Variants in GLE1 observed in about 807,000 individuals in gnomAD.
The protein encoded by GLE1 is GLE1 RNA export mediator.
A neutral mutation model predicts 97.3 loss-of-function variants in GLE1; 78 were observed. The ratio of observed to expected loss-of-function variants is 0.80; its 90% CI spans 0.67 to 0.97. The LOEUF (loss-of-function observed/expected upper bound fraction) is 0.97. GLE1 is among the 50% of genes least tolerant of loss of function. The pLI is 0.00. For missense variants in GLE1, 753 were observed against 857.5 expected (o/e 0.88, Z 1.52); for synonymous variants, 302 against 313.4 (o/e 0.96, Z 0.39).
chr9:128,539,941 CTTATGCCTATAA>C, intron 14 of GLE1: 3 of 1,087,966 alleles, frequency 2.8e-6, no homozygotes, highest in East Asian at 2.7e-5. Context: ...AGCACAGTGG[CTTATGCCTATAA>C]TTATGCCTAT....
intron 3 of GLE1, among the ~76,000 whole-genome samples, chr9:128,520,398 G>A (rs1466687189): frequency 4.1e-5 from 6 of 146,906 alleles, no homozygotes; most frequent in Admixed American, 2.7e-4. Context: ...ATATATGTAT[G>A]TGTGTATATA....
intron 14 of GLE1, 130 bp from the exon 15 acceptor site, chr9:128,540,145 G>A (rs1052527705): frequency 6.8e-6 from 5 of 736,378 alleles, no homozygotes; most frequent in Admixed American, 2.0e-5. Context: ...GAGCCCAAGA[G>A]TTCAAGGCCT....
chr9:128,525,178 C>T lies in GLE1; in HGVS notation c.898-14C>T, dbSNP rs1028828750. ...GGGAATGACCACTAAGCACCATCTC[C>T]GTCACTCTGACAGAGCAGCTATCCC... On this transcript the variant is annotated splice_polypyrimidine_tract_variant and intron_variant, in intron 6 of 15. Transcript: ENST00000309971. The T allele has an allele frequency of 4.4e-6, 7 of 1,595,340 alleles. No homozygotes were observed. The highest frequency in any genetic ancestry group is 1.3e-5 in the African/African-American group (1 of 74,534).
At position 128,537,994 on chromosome 9, in the gene GLE1, T is replaced by C; in HGVS notation, c.1785T>C (p.Pro595=). Residue 595 remains proline, a synonymous_variant, in exon 13 of 16, where the codon CCT becomes CCC. Coordinates refer to ENST00000309971, the MANE Select transcript of GLE1 (RefSeq NM_001003722.2). The part of the protein sequence containing the change: ...WPYGNRQEIH[P]HGLNHGWRWL... ...AGCTTCTCTACTCCCAGATTCACCC[T>C]CATGGCTTAAATCATGGATGGCGCT... is the stretch of plus-strand genomic sequence containing the variant. The C allele has an allele frequency of 6.2e-7, 1 of 1,601,760 alleles. No individual in the cohort carries two copies. The highest frequency in any genetic ancestry group is 8.6e-7 in the Non-Finnish European group (1 of 1,168,812).
Position 128,541,448 on chromosome 9 carries a change from C to T in GLE1, c.*278C>T, listed in dbSNP as rs1370169097. 4 of 464,890 alleles carry T rather than the reference C, an allele frequency of 8.6e-6. No individual in the cohort carries two copies. The highest frequency in any genetic ancestry group is 1.2e-5 in the Non-Finnish European group (3 of 253,940). The allele number at this position is 464,890 out of a possible 1,614,324, so 28.8% of individuals were successfully genotyped here. A position where few individuals can be genotyped will look rare whatever the true frequency, so the allele number is the denominator to read the frequency against. On this transcript the variant is annotated 3_prime_UTR_variant, in exon 16 of 16. Coordinates refer to ENST00000309971, the MANE Select transcript of GLE1 (RefSeq NM_001003722.2). ...CAAAAGTGATAAAAGGTCTTTAGCA[C>T]TTGGTCTCCTCCCTTGTCTCTAGTG...
chr9:128,523,310 G>C lies in GLE1; in HGVS notation c.612G>C (p.Lys204Asn), dbSNP rs745609620. The C allele has an allele frequency of 6.2e-7, 1 of 1,613,582 alleles. No individual in the cohort carries two copies. Among genetic ancestry groups the C allele is most frequent in the South Asian group, 1.1e-5 (1 of 91,072 alleles). The change falls in exon 5 of 16, where the codon AAG becomes AAC. Residue 204 changes from lysine to asparagine, a missense_variant. Coordinates refer to ENST00000309971, the MANE Select transcript of GLE1 (RefSeq NM_001003722.2). ...GAGAAGCCTTGGGACACCAAGAGAA[G>C]CTAAAAGCTGAGCACCGTCACAGAG... ...SSREALGHQE[K>N]LKAEHRHRAK...
chr9:128,508,848 T>C (rs760803447), intron 1 of GLE1, 28 bp from the exon 2 acceptor site: 9 of 1,278,420 alleles, frequency 7.0e-6, no homozygotes, highest in Non-Finnish European at 1.0e-5. Context: ...GACGTGTAAG[T>C]TGAGCTTAAC....
chr9:128,505,006 T>C (rs534496195), intron 1 of GLE1, 102 bp downstream of exon 1: 14 of 756,710 alleles, frequency 1.9e-5, no homozygotes, highest in Non-Finnish European at 2.8e-5. Flanking sequence ...CCGTGCAGTC[T>C]AACAACCTGC....
intron 11 of GLE1, 98 bp downstream of exon 11, chr9:128,534,049 G>C: frequency 1.2e-6 from 1 of 829,716 alleles, no homozygotes; most frequent in South Asian, 1.3e-5. Flanking sequence ...CTCCTATTAC[G>C]TACCTTGAAT....
At chr9:128,517,444 G>A (rs1166688254) in intron 3 of GLE1, among the ~76,000 whole-genome samples, 3 of 152,186 alleles carry the variant, frequency 2.0e-5, no homozygotes, top group African/African-American at 4.8e-5. Context: ...ATATTGTGGT[G>A]GGAAGAGACA....
At chr9:128,533,451 A>G in intron 9 of GLE1, 62 bp from the exon 10 acceptor site, 2 of 1,100,222 alleles carry the variant, frequency 1.8e-6, no homozygotes, top group Admixed American at 2.2e-5. Flanking sequence ...AAAAAAAAAA[A>G]AGGAAAAGAA....
chr9:128,534,833 C>G (rs573132260), intron 11 of GLE1, among the ~76,000 whole-genome samples: 1 of 152,032 alleles, frequency 6.6e-6, no homozygotes, highest in South Asian at 2.1e-4. Context: ...ATTATCCTGC[C>G]TCAGCCTCCC....
In GLE1 at chr9:128,522,729, C is replaced by A; in HGVS notation, c.494C>A (p.Ala165Glu). The A allele has an allele frequency of 6.2e-7, 1 of 1,612,270 alleles. No individual in the cohort carries two copies. The change falls in exon 4 of 16, where the codon GCA becomes GAA. Residue 165 changes from alanine to glutamate, a missense_variant. Transcript: ENST00000309971. ...AAGGTGCAAGCCCTCTCGGAGATGG[C>A]ATCTGAACAACTGAAGCGGTTTGAT... ...ERKVQALSEM[A>E]SEQLKRFDEW...
chr9:128,525,211 A>G lies in GLE1; in HGVS notation c.917A>G (p.Glu306Gly). ...TGACAGAGCAGCTATCCCACAGCAG[A>G]GAGTCAAGCTGAGGCTGAGCGAGCT... ...ASSESSYPTA[E>G]SQAEAERALR... The change falls in exon 7 of 16, where the codon GAG becomes GGG. Residue 306 changes from glutamate (E) to glycine (G), a missense_variant. Transcript: ENST00000309971. 4.3e-6 allele frequency: 7 copies of G among 1,613,890 alleles called. No individual in the cohort carries two copies. Among genetic ancestry groups the G allele is most frequent in the Non-Finnish European group, 5.9e-6 (7 of 1,179,768 alleles).
chr9:128,516,219 A>T (rs564370446), intron 3 of GLE1, among the ~76,000 whole-genome samples: 1 of 151,990 alleles, frequency 6.6e-6, no homozygotes, highest in Non-Finnish European at 1.5e-5. Context: ...CAGCCTCCCA[A>T]GGTGCTGGGA....
At position 128,533,742 on chromosome 9, in the gene GLE1, C is replaced by T. The variant is rs375205156; in HGVS notation, c.1456-19C>T. On this transcript the variant is annotated intron_variant, in intron 10 of 15. Transcript: ENST00000309971. ...TTTCTGGTATTAAGTTAAAATTGTACCCACCTCTATGTTCTCAGAAACAAG... is the reference window on the plus strand; with the variant it reads ...TTTCTGGTATTAAGTTAAAATTGTATCCACCTCTATGTTCTCAGAAACAAG... 2.5e-6 allele frequency: 4 copies of T among 1,613,012 alleles called. No individual in the cohort carries two copies. Among genetic ancestry groups the T allele is most frequent in the Non-Finnish European group, 2.5e-6 (3 of 1,179,132 alleles).
In GLE1 at chr9:128,541,156, T is replaced by C; in HGVS notation, c.2083T>C (p.Phe695Leu). The change falls in exon 16 of 16, where the codon TTC becomes CTC. Residue 695 changes from phenylalanine to leucine, a missense_variant. Transcript: ENST00000309971. The stretch of plus-strand genomic sequence containing the variant: ...CCCCAAGGGCTTTCTGACTTCCTCC[T>C]TCTGGCGCTCCTGATGTCACTCCAT... Reference protein sequence around the residue: ...PVPKGFLTSSFWRS With the variant: ...PVPKGFLTSSLWRS 6.4e-7 allele frequency: 1 copy of C among 1,573,858 alleles called. No homozygotes were observed. The highest frequency in any genetic ancestry group is 8.7e-7 in the Non-Finnish European group (1 of 1,143,298).
intron 7 of GLE1, among the ~76,000 whole-genome samples, chr9:128,526,287 T>C (rs1847298251): frequency 6.6e-6 from 1 of 152,046 alleles, no homozygotes; most frequent in Non-Finnish European, 1.5e-5. Flanking sequence ...CCCAAAATGC[T>C]AGGATTACAG....
intron 9 of GLE1, chr9:128,528,839 G>A (rs1189166425): frequency 1.3e-5 from 2 of 152,220 alleles, no homozygotes; most frequent in African/African-American, 4.8e-5. Context: ...AACCAGACAA[G>A]GAAGAAACTT....
Sources: allele counts gnomAD v4.1 joint callset (sites outside exome capture counted in the v4.1 genomes callset), GRCh38; gene constraint gnomAD v4.1.1; transcripts MANE v1.5; gene names NCBI Gene and HGNC (gene_info 2026-07-23, HGNC 2026-07-21).